The following AFF3 variants were observed in gnomAD, a reference collection of about 807,000 sequenced individuals.
AFF3 encodes the protein ALF transcription elongation factor 3, also known as AF4/FMR2 family member 3.
AFF3 carries 32 observed loss-of-function variants against 129.7 expected under a neutral mutation model. The observed-to-expected ratio is 0.25, with a 90% CI of 0.19 to 0.33. The LOEUF (loss-of-function observed/expected upper bound fraction) is 0.33, where lower values mean the gene tolerates loss of function less well. Among genes scored for constraint, AFF3 ranks in the 10% least tolerant of loss-of-function variants. The pLI, the probability that AFF3 is intolerant of heterozygous loss-of-function variation, is 1.00. For synonymous variants in AFF3, 644 were observed against 635.4 expected, an observed-to-expected ratio of 1.01 and a Z score of -0.20; for missense variants, 1,373 against 1,592.0, an observed-to-expected ratio of 0.86 and a Z score of 2.34.
At chr2:99,617,004 G>A (rs1055627734) in intron 13 of AFF3, among the ~76,000 whole-genome samples, 11 of 152,126 alleles carry the variant, frequency 7.2e-5, no homozygotes, top group African/African-American at 2.4e-4. Flanking sequence ...TGCTTTTCCT[G>A]GTTGAATAAT....
chr2:100,082,657 C>T (rs1689122781), intron 4 of AFF3, among the ~76,000 whole-genome samples: 2 of 152,094 alleles, frequency 1.3e-5, no homozygotes, highest in Admixed American at 1.3e-4. Flanking sequence ...CAAGGACTTA[C>T]ACTACAGCTA....
At chr2:99,620,002 G>T (rs184067931) in intron 13 of AFF3, among the ~76,000 whole-genome samples, 33 of 152,344 alleles carry the variant, frequency 2.2e-4, no homozygotes, top group Admixed American at 2.1e-3. Context: ...GGTTCTCTGT[G>T]AGGAAGTGAT....
intron 7 of AFF3, among the ~76,000 whole-genome samples, chr2:99,934,839 C>A (rs1674379194): frequency 6.6e-6 from 1 of 152,212 alleles, no homozygotes; most frequent in Non-Finnish European, 1.5e-5. Flanking sequence ...ATCTGTGCTG[C>A]TCTCCTGCCA....
At chr2:100,000,484 T>C (rs1044001662) in intron 7 of AFF3, among the ~76,000 whole-genome samples, 25 of 151,452 alleles carry the variant, frequency 1.7e-4, no homozygotes, top group African/African-American at 5.6e-4. Flanking sequence ...AAGGAACTTG[T>C]AGAATTTCAT....
At position 100,106,294 on chromosome 2, in the gene AFF3, GC is replaced by G. The variant is rs530539330; in HGVS notation, c.-144-712del. Reference sequence around the variant, plus strand: ...TTATTTTACAAGCTGATAACTCTCAGCCCTCAAAAACCCCTCTCATTAGCTG... The same window carrying G: ...TTATTTTACAAGCTGATAACTCTCAGCCTCAAAAACCCCTCTCATTAGCTG... On this transcript the variant is annotated intron_variant, in intron 2 of 24. Transcript: ENST00000672756. 4.7e-4 allele frequency: 551 copies of G among 1,172,446 alleles called. 1 individual carries two copies. The African/African-American group carries it at 8.1e-3, about 17-fold the overall frequency. 72.6% of individuals were successfully genotyped at this position (1,172,446 alleles called of 1,614,324 possible).
chr2:99,589,023 G>A (rs138116761), intron 15 of AFF3, among the ~76,000 whole-genome samples: 258 of 152,266 alleles, frequency 1.7e-3, no homozygotes, highest in African/African-American at 5.9e-3. Flanking sequence ...AGAATATTAC[G>A]GAATTTTATG....
chr2:100,066,613 T>C (rs557862396), intron 4 of AFF3, among the ~76,000 whole-genome samples: 1 of 152,314 alleles, frequency 6.6e-6, no homozygotes, highest in South Asian at 2.1e-4. Context: ...TCTGCAGCAG[T>C]GAGGTTCTGG....
chr2:99,558,552 G>A (rs1401736762), intron 22 of AFF3, among the ~76,000 whole-genome samples: 4 of 152,044 alleles, frequency 2.6e-5, no homozygotes, highest in Non-Finnish European at 5.9e-5. Flanking sequence ...CCCAGGAGGC[G>A]GAGGTTGCAG....
chr2:100,018,562 G>A (rs1683327067), intron 4 of AFF3, among the ~76,000 whole-genome samples: 1 of 152,176 alleles, frequency 6.6e-6, no homozygotes, highest in Non-Finnish European at 1.5e-5. Flanking sequence ...CTGCCAGGCT[G>A]TATGACAAGC....
intron 7 of AFF3, among the ~76,000 whole-genome samples, chr2:99,910,509 G>T (rs1412365243): frequency 1.3e-5 from 2 of 152,210 alleles, no homozygotes; most frequent in Admixed American, 1.3e-4. Context: ...ACTTCTAGAT[G>T]AAAACTGCTA....
chr2:99,706,789 G>A (rs576949443), intron 11 of AFF3, among the ~76,000 whole-genome samples: 35 of 152,108 alleles, frequency 2.3e-4, no homozygotes, highest in Non-Finnish European at 4.6e-4. Context: ...TGAGAGTCTC[G>A]CATATAGCTG....
intron 7 of AFF3, among the ~76,000 whole-genome samples, chr2:99,891,971 C>T (rs1227365519): frequency 1.3e-5 from 2 of 151,970 alleles, no homozygotes; most frequent in South Asian, 4.2e-4. Flanking sequence ...TACAGGCACC[C>T]GCCACCATGC....
At position 100,088,301 on chromosome 2, in the gene AFF3, A is replaced by C. The variant is rs374678364; in HGVS notation, c.53+16101T>G. On this transcript the variant is annotated intron_variant, in intron 4 of 24. Coordinates refer to ENST00000672756, the MANE Select transcript of AFF3 (RefSeq NM_001386135.1). The stretch of plus-strand genomic sequence containing the variant: ...TAAAAAATACACACACAACTATTAG[A>C]ACTCATGAATACACTCAGCGAGGTC... Among the ~76,000 whole-genome samples the C allele has an allele frequency of 2.0e-5, 3 of 152,306 alleles. No homozygotes were observed. The South Asian group carries it at 6.2e-4, about 32-fold the overall frequency.
At chr2:100,024,480 C>T (rs922807191) in intron 4 of AFF3, among the ~76,000 whole-genome samples, 6 of 151,250 alleles carry the variant, frequency 4.0e-5, no homozygotes, top group African/African-American at 7.3e-5. Context: ...TGGTGGCGAA[C>T]GCCTGTAATC....
chr2:100,068,288 GA>G (rs1291034229), intron 4 of AFF3, among the ~76,000 whole-genome samples: 29 of 152,176 alleles, frequency 1.9e-4, no homozygotes, highest in Non-Finnish European at 8.8e-5. Context: ...AGGGTGCTAA[GA>G]AATACAGAAA....
chr2:99,701,479 G>C (rs1676860134), intron 11 of AFF3, among the ~76,000 whole-genome samples: 1 of 152,156 alleles, frequency 6.6e-6, no homozygotes, highest in Non-Finnish European at 1.5e-5. Context: ...AGAATGATGA[G>C]TATGTTTTCA....
intron 8 of AFF3, among the ~76,000 whole-genome samples, chr2:99,754,564 G>T (rs1681930109): frequency 6.6e-6 from 1 of 152,102 alleles, no homozygotes; most frequent in Admixed American, 6.6e-5. Flanking sequence ...ATTTCAGCGT[G>T]TCCTCCAGCA....
chr2:99,656,750 A>C (rs1685779997), intron 12 of AFF3, among the ~76,000 whole-genome samples: 1 of 152,116 alleles, frequency 6.6e-6, no homozygotes, highest in African/African-American at 2.4e-5. Context: ...CAACCCGTTT[A>C]GTAATATCTG....
intron 7 of AFF3, among the ~76,000 whole-genome samples, 190 bp from the exon 8 acceptor site, chr2:99,837,714 CCCCTT>C (rs912089526): frequency 6.6e-6 from 1 of 152,060 alleles, no homozygotes; most frequent in Admixed American, 6.5e-5. Context: ...GCTGCTGCTC[CCCCTT>C]CTCTGGCTGG....
Sources: allele counts gnomAD v4.1 joint callset (sites outside exome capture counted in the v4.1 genomes callset), GRCh38; gene constraint gnomAD v4.1.1; transcripts MANE v1.5; gene names NCBI Gene and HGNC (gene_info 2026-07-23, HGNC 2026-07-21).